The following PPP3CA variants were observed in gnomAD, a reference collection of about 807,000 sequenced individuals.
PPP3CA encodes protein phosphatase 3 catalytic subunit alpha.
A neutral mutation model predicts 66.5 loss-of-function variants in PPP3CA; 14 were observed. The ratio of observed to expected loss-of-function variants is 0.21; its 90% confidence interval spans 0.14 to 0.33. The LOEUF is 0.33. Ranked by LOEUF, PPP3CA falls within the 10% of genes least tolerant of loss-of-function variation. The probability of loss-of-function intolerance (pLI) is 1.00; values close to 1 mark genes in which losing one functional copy is unlikely to be tolerated. For missense variants in PPP3CA, 317 were observed against 639.5 expected, an observed-to-expected ratio of 0.50 and a Z score of 5.44; for synonymous variants, 232 against 226.2, an observed-to-expected ratio of 1.03 and a Z score of -0.23.
At chr4:101,059,571 T>G (rs919462247) in intron 10 of PPP3CA, among the ~76,000 whole-genome samples, 3 of 152,148 alleles carry the variant, frequency 2.0e-5, no homozygotes, top group Admixed American at 2.0e-4. Context: ...TATTTTGCAT[T>G]TATACCCATG....
chr4:101,314,670 C>T (rs1315810622), intron 1 of PPP3CA, among the ~76,000 whole-genome samples: 3 of 151,690 alleles, frequency 2.0e-5, no homozygotes, highest in African/African-American at 7.3e-5. Context: ...CCTCTCACTC[C>T]ATCTGATCTT....
chr4:101,029,347 TAAAAAAAAAAAAAAAA>T lies in PPP3CA; in HGVS notation c.1340-168_1340-153del, dbSNP rs34620032. On this transcript the variant is annotated intron_variant, in intron 12 of 13. Coordinates refer to ENST00000394854, the MANE Select transcript of PPP3CA (RefSeq NM_000944.5). ...GGCACAGACAACAAAACAGAAATGC[TAAAAAAAAAAAAAAAA>T]AAAAAAAAAGAAAAAAAATGCCACA... 2.3e-4 allele frequency: 18 copies of T among 79,480 alleles called. No individual in the cohort carries two copies. The East Asian group carries it at 0.015, about 66-fold the overall frequency. 4.9% of individuals were successfully genotyped at this position (79,480 alleles called of 1,614,324 possible).
chr4:101,293,229 C>T (rs1728086736), intron 1 of PPP3CA, among the ~76,000 whole-genome samples: 1 of 152,170 alleles, frequency 6.6e-6, no homozygotes, highest in African/African-American at 2.4e-5. Context: ...TCCTACCCTT[C>T]GTTTTCTCCT....
chr4:101,154,425 C>A (rs1217614585), intron 2 of PPP3CA, among the ~76,000 whole-genome samples: 1 of 152,008 alleles, frequency 6.6e-6, no homozygotes, highest in African/African-American at 2.4e-5. Context: ...TTACTCTGTA[C>A]AAGAATTTGG....
chr4:101,133,404 C>A (rs578034445), intron 2 of PPP3CA, among the ~76,000 whole-genome samples: 118 of 152,190 alleles, frequency 7.8e-4, no homozygotes, highest in African/African-American at 2.7e-3. Flanking sequence ...AGCAAAGTCT[C>A]AGGATACAAA....
Position 101,083,546 on chromosome 4 carries a change from A to G in PPP3CA, c.783-283T>C, listed in dbSNP as rs142460630. Among the ~76,000 whole-genome samples the G allele has an allele frequency of 3.3e-4, 51 of 152,354 alleles. 2 individuals are homozygous for G. In the East Asian group the frequency reaches 9.8e-3, roughly 29 times the overall value. On this transcript the variant is annotated intron_variant, in intron 6 of 13. Transcript: ENST00000394854. ...GGAAAGTGTCCACTCTCAGAAAAAT[A>G]AATTTTTAAAAGTCTACATTTAAAG...
chr4:101,024,357 A>C lies in PPP3CA; in HGVS notation c.*1508T>G, dbSNP rs1363471561. On this transcript the variant is annotated 3_prime_UTR_variant, in exon 14 of 14. Transcript: ENST00000394854. Reference sequence around the variant, plus strand: ...TTCATGCACATTTTATTGAGTAGTAATATAAAATGCTTTTTCTTTTTCATT... The same window carrying C: ...TTCATGCACATTTTATTGAGTAGTACTATAAAATGCTTTTTCTTTTTCATT... 6.6e-6 allele frequency: 1 copy of C among 152,664 alleles called. No homozygotes were observed. The highest frequency in any genetic ancestry group is 1.5e-5 in the Non-Finnish European group (1 of 68,036). The allele number at this position is 152,664 out of a possible 1,614,324, so 9.5% of individuals were successfully genotyped here. A position where few individuals can be genotyped will look rare whatever the true frequency, so the allele number is the denominator to read the frequency against.
Position 101,230,500 on chromosome 4 carries a change from C to CAG in PPP3CA, c.59-34386_59-34385dup, listed in dbSNP as rs962260980. On this transcript the variant is annotated intron_variant, in intron 1 of 13. Coordinates refer to ENST00000394854, the MANE Select transcript of PPP3CA (RefSeq NM_000944.5). ...CACCACCGCTCTTCAGCCTGGGTGACAGAGAGAGAGACCCGTTTCAAATAA... is the reference window on the plus strand; with the variant it reads ...CACCACCGCTCTTCAGCCTGGGTGACAGAGAGAGAGAGACCCGTTTCAAATAA... Among the ~76,000 whole-genome samples the CAG allele has an allele frequency of 1.1e-4, 16 of 151,578 alleles. No individual in the cohort carries two copies. In the East Asian group the frequency reaches 1.8e-3, roughly 17 times the overall value.
chr4:101,062,608 A>C (rs1194163938), intron 9 of PPP3CA, among the ~76,000 whole-genome samples: 1 of 152,000 alleles, frequency 6.6e-6, no homozygotes, highest in Non-Finnish European at 1.5e-5. Context: ...GTTTAAGTCA[A>C]CATATGAAAG....
In PPP3CA at chr4:101,114,761, A is replaced by G. The variant is rs547092239; in HGVS notation, c.260-5683T>C. Among the ~76,000 whole-genome samples, 5 of 152,208 alleles carry G rather than the reference A, an allele frequency of 3.3e-5. No individual in the cohort carries two copies. The South Asian group carries it at 1.0e-3, about 32-fold the overall frequency. ...AAACTTTATGGGAAATAATTTTCAC[A>G]AAGGAGTGGTGCCAAAGACTTTTGA... is the stretch of plus-strand genomic sequence containing the variant. On this transcript the variant is annotated intron_variant, in intron 2 of 13. Coordinates refer to ENST00000394854, the MANE Select transcript of PPP3CA (RefSeq NM_000944.5).
At chr4:101,243,860 C>T (rs1449149013) in intron 1 of PPP3CA, among the ~76,000 whole-genome samples, 1 of 152,194 alleles carries the variant, frequency 6.6e-6, no homozygotes, top group Non-Finnish European at 1.5e-5. Flanking sequence ...TGAATTTTCT[C>T]ATTCATTGAC....
At chr4:101,229,426 T>C (rs1005076622) in intron 1 of PPP3CA, among the ~76,000 whole-genome samples, 1 of 151,722 alleles carries the variant, frequency 6.6e-6, no homozygotes, top group African/African-American at 2.4e-5. Flanking sequence ...TTCTTCAGAA[T>C]TTAATTACCA....
chr4:101,346,634 AGAG>A, intron 1 of PPP3CA, 102 bp downstream of exon 1: 1 of 981,566 alleles, frequency 1.0e-6, no homozygotes. Flanking sequence ...TGGAGCGGAC[AGAG>A]GAGAACCTGG....
intron 3 of PPP3CA, among the ~76,000 whole-genome samples, chr4:101,106,369 A>G (rs958943060): frequency 4.5e-5 from 2 of 44,364 alleles, no homozygotes; most frequent in Admixed American, 3.2e-4. Flanking sequence ...CATTTAAAAG[A>G]GAGAAAAGAA....
intron 2 of PPP3CA, among the ~76,000 whole-genome samples, chr4:101,169,436 T>C (rs1723799211): frequency 6.6e-6 from 1 of 152,172 alleles, no homozygotes; most frequent in Admixed American, 6.5e-5. Context: ...GGCTACCATG[T>C]CATGAGACGT....
chr4:101,181,544 C>T (rs1397205833), intron 2 of PPP3CA, among the ~76,000 whole-genome samples: 1 of 151,944 alleles, frequency 6.6e-6, no homozygotes, highest in African/African-American at 2.4e-5. Context: ...ATAGTTTTGT[C>T]AATTTTTAAC....
At chr4:101,276,118 C>A (rs1408229776) in intron 1 of PPP3CA, among the ~76,000 whole-genome samples, 1 of 152,198 alleles carries the variant, frequency 6.6e-6, no homozygotes, top group African/African-American at 2.4e-5. Flanking sequence ...TGGTCCCGAA[C>A]TCCTGGCATC....
intron 13 of PPP3CA, among the ~76,000 whole-genome samples, chr4:101,027,112 G>A (rs1043012857): frequency 6.6e-6 from 1 of 152,012 alleles, no homozygotes; most frequent in Non-Finnish European, 1.5e-5. Context: ...CACATAAATG[G>A]GGAACCAATG....
At chr4:101,212,705 G>A (rs548989308) in intron 1 of PPP3CA, among the ~76,000 whole-genome samples, 1 of 152,180 alleles carries the variant, frequency 6.6e-6, no homozygotes, top group South Asian at 2.1e-4. Flanking sequence ...TGGGCAAATA[G>A]GAGAATTTTA....
Sources: allele counts gnomAD v4.1 joint callset (sites outside exome capture counted in the v4.1 genomes callset), GRCh38; gene constraint gnomAD v4.1.1; transcripts MANE v1.5; gene names NCBI Gene and HGNC (gene_info 2026-07-23, HGNC 2026-07-21).